Variants in KCNQ4 observed in about 807,000 individuals in gnomAD.
The protein encoded by KCNQ4 is potassium voltage-gated channel subfamily KQT member 4.
A neutral mutation model predicts 72.6 loss-of-function variants in KCNQ4; 31 were observed. The ratio of observed to expected loss-of-function variants is 0.43; its 90% CI spans 0.32 to 0.58. The LOEUF (loss-of-function observed/expected upper bound fraction) is 0.58, where lower values mean the gene tolerates loss of function less well. Among genes scored for constraint, KCNQ4 ranks in the 20% least tolerant of loss-of-function variants. The pLI is 0.08. For missense variants in KCNQ4, 869 were observed against 962.6 expected (o/e 0.90, Z 1.29); for synonymous variants, 405 against 403.7 (o/e 1.00, Z -0.04).
rs973080236 is a variant in KCNQ4, at chr1:40,838,695, C to G, written c.*172C>G. The G allele has an allele frequency of 4.5e-6, 3 of 673,500 alleles. No homozygotes were observed. The highest frequency in any genetic ancestry group is 3.4e-5 in the South Asian group (2 of 58,284). 41.7% of individuals were successfully genotyped at this position (673,500 alleles called of 1,614,324 possible). A position where few individuals can be genotyped will look rare whatever the true frequency, so the allele number is the denominator to read the frequency against. On this transcript the variant is annotated 3_prime_UTR_variant, in exon 14 of 14. Coordinates refer to ENST00000347132, the MANE Select transcript of KCNQ4 (RefSeq NM_004700.4). ...GCGTGGTACCTGCTGTGGGTGCCAG[C>G]GCCCCTTCCCCACCTCAGGAGCGTG...
rs201767843 is a variant in KCNQ4 at position 40,819,841 on chromosome 1, A to G, written c.835-34A>G. ...CAACAAGCCGTAGGTGGCCCCCGTG[A>G]CCAGTCCTGCCTGTAACCTGTTTGT... On this transcript the variant is annotated intron_variant, in intron 5 of 13. Coordinates refer to ENST00000347132, the MANE Select transcript of KCNQ4 (RefSeq NM_004700.4). 123 of 1,544,788 alleles carry G rather than the reference A, an allele frequency of 8.0e-5. No individual in the cohort carries two copies. In the African/African-American group the frequency reaches 1.5e-3, roughly 19 times the overall value.
chr1:40,804,357 A>G (rs1354476211), intron 1 of KCNQ4, among the ~76,000 whole-genome samples: 1 of 152,026 alleles, frequency 6.6e-6, no homozygotes, highest in Non-Finnish European at 1.5e-5. Flanking sequence ...GCCAGGCCCA[A>G]CTCTGTCTCT....
At chr1:40,833,687 T>C (rs1648724707) in intron 11 of KCNQ4, among the ~76,000 whole-genome samples, 1 of 151,778 alleles carries the variant, frequency 6.6e-6, no homozygotes, top group Non-Finnish European at 1.5e-5. Context: ...AAGCCTCTTT[T>C]CTTGTATTCC....
intron 3 of KCNQ4, 85 bp from the exon 4 acceptor site, chr1:40,818,420 C>T (rs916656966): frequency 1.4e-5 from 21 of 1,463,962 alleles, no homozygotes; most frequent in Non-Finnish European, 1.8e-5. Context: ...CCTCCCCAGT[C>T]CCCTGCCACA....
intron 1 of KCNQ4, among the ~76,000 whole-genome samples, chr1:40,814,708 A>AAC (rs1553167002): frequency 2.0e-5 from 3 of 151,758 alleles, no homozygotes; most frequent in Non-Finnish European, 2.9e-5. Flanking sequence ...TGTCTCAAAA[A>AAC]AAAACAAAAC....
rs776141377 is a variant in KCNQ4, at chr1:40,818,313, A to ACCTGACC, written c.532+33_532+39dup. On this transcript the variant is annotated intron_variant, in intron 3 of 13. Coordinates refer to ENST00000347132, the MANE Select transcript of KCNQ4 (RefSeq NM_004700.4). Reference sequence around the variant, plus strand: ...TCGGTAATGAGGCGCGCCCCGCCCGACCTGACCCCTGACCCCAGGAGCCAG... The same window carrying ACCTGACC: ...TCGGTAATGAGGCGCGCCCCGCCCGACCTGACCCCTGACCCCTGACCCCAGGAGCCAG... 7.4e-6 allele frequency: 12 copies of ACCTGACC among 1,612,800 alleles called. No individual in the cohort carries two copies. In the East Asian group the frequency reaches 2.7e-4, roughly 36 times the overall value.
chr1:40,818,871 G>C, intron 4 of KCNQ4, 191 bp downstream of exon 4: 1 of 665,546 alleles, frequency 1.5e-6, no homozygotes, highest in East Asian at 2.7e-5. Flanking sequence ...ATTAGGTAGG[G>C]GCGGGCCTAG....
At chr1:40,809,212 G>A (rs910906909) in intron 1 of KCNQ4, among the ~76,000 whole-genome samples, 1 of 152,114 alleles carries the variant, frequency 6.6e-6, no homozygotes, top group African/African-American at 2.4e-5. Context: ...CCCAGTCTGC[G>A]TAGAGGGCCT....
Position 40,835,067 on chromosome 1 carries a change from A to G in KCNQ4, c.1714A>G (p.Met572Val). ...IEQYSAGHLD[M>V]LGRIKSLQTR... ...GCAGTACTCAGCAGGCCACCTGGAC[A>G]TGCTGGGCCGGATCAAGAGCCTGCA... Residue 572 changes from methionine (M) to valine (V), a missense_variant, in exon 12 of 14, where the codon ATG (methionine) becomes GTG (valine). Met to Val is a conservative substitution (Grantham distance 21). Coordinates refer to ENST00000347132, the MANE Select transcript of KCNQ4 (RefSeq NM_004700.4). The G allele has an allele frequency of 6.2e-7, 1 of 1,613,970 alleles. No homozygotes were observed. Among genetic ancestry groups the G allele is most frequent in the Non-Finnish European group, 8.5e-7 (1 of 1,179,894 alleles).
intron 10 of KCNQ4, among the ~76,000 whole-genome samples, chr1:40,832,348 C>T (rs911774181): frequency 6.6e-6 from 1 of 152,154 alleles, no homozygotes; most frequent in Non-Finnish European, 1.5e-5. Flanking sequence ...GTTTACAGAA[C>T]CCCATAGACC....
rs955928667 is a variant in KCNQ4, at chr1:40,795,682, G to A, written c.314+11275G>A. Among the ~76,000 whole-genome samples the A allele has an allele frequency of 2.0e-5, 3 of 152,048 alleles. No individual in the cohort carries two copies. In the East Asian group the frequency reaches 5.8e-4, roughly 29 times the overall value. ...GAGCCCTGAGGAAGAGACATATGGG[G>A]GAGCGGGGCAGGTGGAATGACACAG... On this transcript the variant is annotated intron_variant, in intron 1 of 13. Transcript: ENST00000347132.
At chr1:40,820,565 A>G (rs921559241) in intron 7 of KCNQ4, among the ~76,000 whole-genome samples, 1 of 152,248 alleles carries the variant, frequency 6.6e-6, no homozygotes, top group Non-Finnish European at 1.5e-5. Flanking sequence ...AGGAGCTGGG[A>G]GGCCTCTGGT....
rs1297272478 is a variant in KCNQ4 at position 40,788,589 on chromosome 1, T to G, written c.314+4182T>G. Among the ~76,000 whole-genome samples, 1 of 152,152 alleles carries G rather than the reference T, an allele frequency of 6.6e-6. No individual in the cohort carries two copies. The highest frequency in any genetic ancestry group is 2.4e-5 in the African/African-American group (1 of 41,440). On this transcript the variant is annotated intron_variant, in intron 1 of 13. Coordinates refer to ENST00000347132, the MANE Select transcript of KCNQ4 (RefSeq NM_004700.4). This position sits in a 1 kb window ranked among gnomAD's most constrained non-coding sequence, Gnocchi z 4.5. ...CTGGGACTCAGCAGAGGCCACCCAGTTAATGTGGAAGAGCCTCAGCCCGGA... is the reference window on the plus strand; with the variant it reads ...CTGGGACTCAGCAGAGGCCACCCAGGTAATGTGGAAGAGCCTCAGCCCGGA...
chr1:40,819,774 G>A (rs1570832069), intron 5 of KCNQ4, 101 bp from the exon 6 acceptor site: 2 of 1,023,226 alleles, frequency 2.0e-6, no homozygotes, highest in East Asian at 2.4e-5. Flanking sequence ...GGTGACCAGG[G>A]GCCCCTTCCC....
intron 1 of KCNQ4, among the ~76,000 whole-genome samples, chr1:40,813,682 G>A (rs1052307925): frequency 6.6e-6 from 1 of 152,200 alleles, no homozygotes; most frequent in African/African-American, 2.4e-5. Context: ...CCTGCTAAAT[G>A]GCAGAGGCGA....
At chr1:40,785,614 T>C (rs1185384948) in intron 1 of KCNQ4, among the ~76,000 whole-genome samples, 1 of 151,974 alleles carries the variant, frequency 6.6e-6, no homozygotes, top group Non-Finnish European at 1.5e-5. Context: ...CTTGCCTGTT[T>C]CCATCCATCT....
chr1:40,817,240 C>CGGG lies in KCNQ4; in HGVS notation c.315-25_315-24insGGG. 6.3e-7 allele frequency: 1 copy of CGGG among 1,591,118 alleles called. No individual in the cohort carries two copies. The highest frequency in any genetic ancestry group is 8.6e-7 in the Non-Finnish European group (1 of 1,160,206). On this transcript the variant is annotated intron_variant, in intron 1 of 13. Transcript: ENST00000347132. The surrounding 1 kb of genome is among the most constrained non-coding windows in gnomAD (Gnocchi z 5.5). ...TGTCCTGTCCCTCCAACAATCTAAC[C>CGGG]CTCTCCCTCATGTTGTAATTGCAGA... is the stretch of plus-strand genomic sequence containing the variant.
chr1:40,800,665 A>C (rs1406234499), intron 1 of KCNQ4, among the ~76,000 whole-genome samples: 3 of 151,792 alleles, frequency 2.0e-5, no homozygotes, highest in Non-Finnish European at 2.9e-5. Flanking sequence ...CTTTCTGTTC[A>C]CTCCCCAGAT....
intron 1 of KCNQ4, among the ~76,000 whole-genome samples, chr1:40,810,229 C>T (rs191977754): frequency 2.0e-4 from 30 of 152,300 alleles, no homozygotes; most frequent in African/African-American, 5.5e-4. Flanking sequence ...GCTGCCTCGA[C>T]GGCCACATTC....
Sources: allele counts gnomAD v4.1 joint callset (sites outside exome capture counted in the v4.1 genomes callset), GRCh38; gene constraint gnomAD v4.1.1; non-coding constraint Gnocchi (gnomAD v3.1); transcripts MANE v1.5; gene names NCBI Gene and HGNC (gene_info 2026-07-23, HGNC 2026-07-21).